DENND5A: variants seen among roughly 807,000 people sequenced by gnomAD.
The protein encoded by DENND5A is DENN domain containing 5A, also known as DENN domain-containing protein 5A.
A neutral mutation model predicts 140.3 loss-of-function variants in DENND5A; 64 were observed. That is an observed-to-expected ratio of 0.46 (90% CI 0.37 to 0.56). The LOEUF (loss-of-function observed/expected upper bound fraction) is 0.56. DENND5A is among the 20% of genes least tolerant of loss of function. The probability of loss-of-function intolerance (pLI) is 0.00; values close to 1 mark genes in which losing one functional copy is unlikely to be tolerated. For synonymous variants in DENND5A, 605 were observed against 607.7 expected (o/e 1.00, Z 0.07); for missense variants, 1,292 against 1,593.8 (o/e 0.81, Z 3.22).
chr11:9,228,020 G>T (rs551203168), intron 1 of DENND5A, among the ~76,000 whole-genome samples: 74 of 147,524 alleles, frequency 5.0e-4, no homozygotes, highest in Non-Finnish European at 9.3e-4. Flanking sequence ...GCCTGAAGCA[G>T]GAGAATCATT....
intron 1 of DENND5A, among the ~76,000 whole-genome samples, chr11:9,218,044 C>T (rs1314254555): frequency 6.6e-6 from 1 of 152,096 alleles, no homozygotes; most frequent in African/African-American, 2.4e-5. Context: ...TGTTTGAGTC[C>T]AGGAGTTCAA....
At chr11:9,191,089 C>G (rs1483070975) in intron 5 of DENND5A, among the ~76,000 whole-genome samples, 1 of 152,118 alleles carries the variant, frequency 6.6e-6, no homozygotes, top group Non-Finnish European at 1.5e-5. Context: ...CCACTGTCAC[C>G]ACTCCTTCCC....
intron 1 of DENND5A, among the ~76,000 whole-genome samples, chr11:9,224,539 A>G (rs1850452542): frequency 6.6e-6 from 1 of 152,022 alleles, no homozygotes; most frequent in Non-Finnish European, 1.5e-5. Context: ...CTGATTAGCC[A>G]ATCTACTTTT....
At chr11:9,216,700 C>A (rs1333968205) in intron 1 of DENND5A, among the ~76,000 whole-genome samples, 1 of 152,100 alleles carries the variant, frequency 6.6e-6, no homozygotes, top group African/African-American at 2.4e-5. Flanking sequence ...AGGCCAGGAG[C>A]TCGGAACCAA....
At chr11:9,198,367 C>A (rs1849404616) in intron 4 of DENND5A, among the ~76,000 whole-genome samples, 1 of 151,232 alleles carries the variant, frequency 6.6e-6, no homozygotes, top group African/African-American at 2.4e-5. Flanking sequence ...GTAATCCCAG[C>A]ACTTTGAGGC....
intron 1 of DENND5A, among the ~76,000 whole-genome samples, chr11:9,252,114 A>C (rs914806355): frequency 6.6e-6 from 1 of 150,936 alleles, no homozygotes; most frequent in Non-Finnish European, 1.5e-5. Context: ...TCTGGCTAAC[A>C]TGGTGAAACC....
chr11:9,179,105 A>C (rs373281744), intron 6 of DENND5A, 32 bp from the exon 7 acceptor site: 5 of 1,587,662 alleles, frequency 3.1e-6, no homozygotes, highest in Non-Finnish European at 4.3e-6. Context: ...TTGAGAACAC[A>C]TACACTTTTT....
chr11:9,207,280 G>C, intron 2 of DENND5A: 4 of 498,230 alleles, frequency 8.0e-6, no homozygotes, highest in Non-Finnish European at 1.4e-5. Context: ...AATCTAATGA[G>C]ATATTCTGTC....
chr11:9,194,947 A>G (rs113626176), intron 4 of DENND5A, among the ~76,000 whole-genome samples: 6,925 of 149,420 alleles, frequency 0.046, 512 homozygotes, highest in African/African-American at 0.16. Flanking sequence ...TCGAACTCCT[A>G]ACCTTGTGAT....
intron 1 of DENND5A, among the ~76,000 whole-genome samples, chr11:9,230,030 G>A (rs1244042347): frequency 4.8e-5 from 7 of 145,488 alleles, no homozygotes; most frequent in Non-Finnish European, 7.5e-5. Flanking sequence ...TCAGCCTCCC[G>A]AGTAGCTGGG....
Position 9,160,776 on chromosome 11 carries a change from G to A in DENND5A, c.2373C>T (p.Thr791=). 1 of 1,613,822 alleles carries A rather than the reference G, an allele frequency of 6.2e-7. No homozygotes were observed. The highest frequency in any genetic ancestry group is 8.5e-7 in the Non-Finnish European group (1 of 1,179,780). ...GGAGATCACAAAGGCTGGCAATCAG[G>A]GTGTTCTCTTCCACCCCTGTGATGT... is the stretch of plus-strand genomic sequence containing the variant. ...EVNITGVEEN[T]LIASLCDLLE... is the part of the protein sequence containing the mutation. The change falls in exon 12 of 23, where the codon ACC becomes ACT. Residue 791 remains threonine (T), a synonymous_variant. Coordinates refer to ENST00000328194, the MANE Select transcript of DENND5A (RefSeq NM_015213.4).
At chr11:9,207,385 T>G (rs536472305) in intron 2 of DENND5A, among the ~76,000 whole-genome samples, 176 bp downstream of exon 2, 1 of 151,838 alleles carries the variant, frequency 6.6e-6, no homozygotes, top group Admixed American at 6.6e-5. Flanking sequence ...AACATTAAAG[T>G]GAAGAGAGAA....
chr11:9,193,750 A>G, intron 4 of DENND5A, 69 bp from the exon 5 acceptor site: 1 of 1,353,476 alleles, frequency 7.4e-7, no homozygotes. Context: ...CTTTCCAAAC[A>G]GTAAGTTAAA....
chr11:9,260,192 T>C (rs1852135613), intron 1 of DENND5A, among the ~76,000 whole-genome samples: 1 of 151,884 alleles, frequency 6.6e-6, no homozygotes, highest in Non-Finnish European at 1.5e-5. Context: ...AAAATTGGAG[T>C]ACAAGATGAA....
Position 9,203,859 on chromosome 11 carries a change from C to G in DENND5A, c.750G>C (p.Glu250Asp). 8.7e-6 allele frequency: 14 copies of G among 1,614,146 alleles called. No homozygotes were observed. The highest frequency in any genetic ancestry group is 1.2e-5 in the Non-Finnish European group (14 of 1,180,020). The change falls in exon 4 of 23, where the codon GAG (glutamate) becomes GAC (aspartate). Residue 250 changes from glutamate to aspartate, a missense_variant. Physicochemically the swap from Glu to Asp is conservative, Grantham distance 45. This residue lies in a region of DENND5A where 566 missense variants were observed against 650.4 expected (regional missense o/e 0.87). Transcript: ENST00000328194. ...LESYIYNVLY[E>D]VPLPPPGRSL... The stretch of plus-strand genomic sequence containing the variant: ...ACCGGCCAGGAGGTGGGAGCGGCAC[C>G]TCGTAGAGTACGTTGTATATGTAGC...
chr11:9,190,526 C>A (rs1429572784), intron 5 of DENND5A, among the ~76,000 whole-genome samples: 2 of 152,114 alleles, frequency 1.3e-5, no homozygotes, highest in African/African-American at 4.8e-5. Flanking sequence ...CCATGTAAGA[C>A]GTGACTTGCT....
intron 1 of DENND5A, among the ~76,000 whole-genome samples, chr11:9,240,362 TC>T (rs1851183700): frequency 6.6e-6 from 1 of 152,016 alleles, no homozygotes; most frequent in Non-Finnish European, 1.5e-5. Flanking sequence ...ACCATTGCAC[TC>T]CACCCTGGGC....
intron 1 of DENND5A, among the ~76,000 whole-genome samples, chr11:9,241,906 C>T (rs1289797871): frequency 2.0e-5 from 3 of 149,778 alleles, no homozygotes; most frequent in African/African-American, 4.9e-5. Flanking sequence ...CCTAGCTATT[C>T]GGGAGGCTGA....
At chr11:9,209,401 G>T (rs775341856) in intron 1 of DENND5A, among the ~76,000 whole-genome samples, 6 of 152,164 alleles carry the variant, frequency 3.9e-5, no homozygotes, top group Non-Finnish European at 7.3e-5. Flanking sequence ...ATGACCAGCT[G>T]ATCTGAAGTG....
Sources: allele counts gnomAD v4.1 joint callset (sites outside exome capture counted in the v4.1 genomes callset), GRCh38; gene constraint gnomAD v4.1.1; regional missense constraint gnomAD v4.1.1; transcripts MANE v1.5; gene names NCBI Gene and HGNC (gene_info 2026-07-23, HGNC 2026-07-21).